The following TMTC2 variants were observed in gnomAD, a reference collection of about 807,000 sequenced individuals.
The protein encoded by TMTC2 is transmembrane O-mannosyltransferase targeting cadherins 2, also known as protein O-mannosyl-transferase TMTC2.
Under a neutral mutation model 82.4 loss-of-function variants are expected in TMTC2, and 43 were observed. The ratio of observed to expected loss-of-function variants is 0.52; its 90% confidence interval spans 0.41 to 0.67. The LOEUF (loss-of-function observed/expected upper bound fraction) is 0.67. Among genes scored for constraint, TMTC2 ranks in the 30% least tolerant of loss-of-function variants. TMTC2 has a pLI of 0.00. For synonymous variants in TMTC2, 408 were observed against 381.9 expected (o/e 1.07, Z -0.80); for missense variants, 919 against 1,012.4 (o/e 0.91, Z 1.25).
intron 4 of TMTC2, among the ~76,000 whole-genome samples, chr12:82,937,738 G>GGGGA (rs551965964): frequency 3.2e-5 from 3 of 93,462 alleles, no homozygotes; most frequent in South Asian, 4.3e-4. Flanking sequence ...GGATGTGTGT[G>GGGGA]TGTGTGTGTG....
At chr12:82,747,409 G>A (rs1324054970) in intron 1 of TMTC2, among the ~76,000 whole-genome samples, 1 of 152,108 alleles carries the variant, frequency 6.6e-6, no homozygotes, top group Non-Finnish European at 1.5e-5. Context: ...CTGATTCAAG[G>A]TTCAGCATTT....
At chr12:82,826,080 A>C (rs556364277) in intron 1 of TMTC2, among the ~76,000 whole-genome samples, 1 of 152,374 alleles carries the variant, frequency 6.6e-6, no homozygotes, top group African/African-American at 2.4e-5. Flanking sequence ...TGATTTCCCA[A>C]CTTCATTTTT....
chr12:83,094,813 TA>T (rs1883967745), intron 11 of TMTC2, among the ~76,000 whole-genome samples: 1 of 152,180 alleles, frequency 6.6e-6, no homozygotes, highest in Admixed American at 6.5e-5. Flanking sequence ...TTATTTAGAT[TA>T]GGAATCTTGG....
At chr12:82,937,797 C>CATATATATATATAT (rs1876464171) in intron 4 of TMTC2, among the ~76,000 whole-genome samples, 1 of 22,120 alleles carries the variant, frequency 4.5e-5, no homozygotes, top group Non-Finnish European at 9.8e-5. Flanking sequence ...TATATATATA[C>CATATATATATATAT]ACACATATAT....
chr12:82,702,350 C>T (rs1873126951), intron 1 of TMTC2, among the ~76,000 whole-genome samples: 1 of 152,156 alleles, frequency 6.6e-6, no homozygotes, highest in African/African-American at 2.4e-5. Context: ...AAAAAGAACA[C>T]TTTTGGTTCT....
chr12:82,902,414 T>G (rs1037933436), intron 3 of TMTC2, among the ~76,000 whole-genome samples: 26 of 152,344 alleles, frequency 1.7e-4, no homozygotes, highest in African/African-American at 6.3e-4. Context: ...GTCTCTGGAT[T>G]TGTCTTTCTC....
chr12:82,944,944 T>A (rs1019741875), intron 4 of TMTC2, among the ~76,000 whole-genome samples: 3 of 152,130 alleles, frequency 2.0e-5, no homozygotes, highest in Non-Finnish European at 4.4e-5. Flanking sequence ...CACTAGGAGG[T>A]CTTTGATGGC....
At chr12:82,831,466 T>C (rs1201457087) in intron 1 of TMTC2, among the ~76,000 whole-genome samples, 1 of 152,196 alleles carries the variant, frequency 6.6e-6, no homozygotes, top group Non-Finnish European at 1.5e-5. Flanking sequence ...CAACTCTAAT[T>C]ATAACATACG....
intron 7 of TMTC2, among the ~76,000 whole-genome samples, chr12:82,982,120 AATATT>A (rs1003073421): frequency 4.6e-5 from 7 of 151,800 alleles, no homozygotes; most frequent in African/African-American, 1.4e-4. Context: ...AAAGGTAGAA[AATATT>A]ATATTTAAGA....
intron 8 of TMTC2, among the ~76,000 whole-genome samples, chr12:83,000,387 G>T (rs1193389272): frequency 6.6e-6 from 1 of 152,162 alleles, no homozygotes; most frequent in African/African-American, 2.4e-5. Context: ...GCCCTCCTCA[G>T]CCTCCCAAAG....
intron 1 of TMTC2, among the ~76,000 whole-genome samples, chr12:82,692,419 T>G (rs970128560): frequency 6.6e-6 from 1 of 152,226 alleles, no homozygotes; most frequent in Non-Finnish European, 1.5e-5. Flanking sequence ...ACAGTTTTGT[T>G]GCTGCTCAGC....
intron 8 of TMTC2, among the ~76,000 whole-genome samples, chr12:83,018,338 C>T (rs1016739971): frequency 6.6e-6 from 1 of 152,130 alleles, no homozygotes; most frequent in Non-Finnish European, 1.5e-5. Context: ...GTGTCAACTC[C>T]GTTTTGTGAG....
chr12:83,098,377 T>C (rs11115582), intron 11 of TMTC2, among the ~76,000 whole-genome samples: 7,667 of 152,296 alleles, frequency 0.05, 315 homozygotes, highest in Admixed American at 0.11. Flanking sequence ...AAATGGCCTG[T>C]AACAATGTTT....
At chr12:82,941,057 G>T (rs893257804) in intron 4 of TMTC2, among the ~76,000 whole-genome samples, 1 of 151,996 alleles carries the variant, frequency 6.6e-6, no homozygotes, top group Non-Finnish European at 1.5e-5. Context: ...ACATAAATAC[G>T]ATATAAAGGG....
intron 3 of TMTC2, among the ~76,000 whole-genome samples, chr12:82,912,910 G>C (rs1278554835): frequency 7.0e-6 from 1 of 142,496 alleles, no homozygotes; most frequent in Non-Finnish European, 1.5e-5. Context: ...CTGCACTCCA[G>C]CCTGGGTGAC....
intron 11 of TMTC2, among the ~76,000 whole-genome samples, chr12:83,105,496 A>G (rs1884363314): frequency 1.3e-5 from 2 of 152,302 alleles, no homozygotes; most frequent in Admixed American, 6.5e-5. Flanking sequence ...ACTTTTTCTC[A>G]TAGCAGAAGA....
At chr12:83,054,262 A>G (rs1335799198) in intron 10 of TMTC2, among the ~76,000 whole-genome samples, 3 of 152,108 alleles carry the variant, frequency 2.0e-5, no homozygotes, top group Non-Finnish European at 4.4e-5. Context: ...CTTAGCTGAT[A>G]CAAAATATGT....
chr12:83,046,315 A>G (rs1410926453), intron 9 of TMTC2, among the ~76,000 whole-genome samples: 1 of 152,162 alleles, frequency 6.6e-6, no homozygotes, highest in Admixed American at 6.5e-5. Context: ...ACTGATTCTC[A>G]AAGTATGGAC....
intron 11 of TMTC2, among the ~76,000 whole-genome samples, chr12:83,093,954 CAT>C (rs1429064144): frequency 1.3e-5 from 2 of 152,076 alleles, no homozygotes; most frequent in Non-Finnish European, 2.9e-5. Context: ...GGGCTAAAAA[CAT>C]ATATACATAT....
Sources: gnomAD v4.1 joint callset for allele counts (sites outside exome capture counted in the v4.1 genomes callset) on GRCh38, gnomAD v4.1.1 for gene constraint, MANE v1.5 for transcripts, NCBI Gene and HGNC (gene_info 2026-07-23, HGNC 2026-07-21) for gene names.